ZNF704: variants seen among roughly 807,000 people sequenced by gnomAD.
ZNF704 encodes the protein glucocorticoid induced gene 1.
In ZNF704, 10 loss-of-function variants were observed where a neutral mutation model predicts 44.7. The ratio of observed to expected loss-of-function variants is 0.22; its 90% confidence interval spans 0.14 to 0.38. The LOEUF (loss-of-function observed/expected upper bound fraction) is 0.38. ZNF704 is among the 10% of genes least tolerant of loss of function. The pLI is 1.00. For synonymous variants in ZNF704, 211 were observed against 207.6 expected (o/e 1.02, Z -0.14); for missense variants, 390 against 545.5 (o/e 0.71, Z 2.84).
At chr8:80,865,797 C>G (rs1376631902) in intron 1 of ZNF704, among the ~76,000 whole-genome samples, 2 of 152,180 alleles carry the variant, frequency 1.3e-5, no homozygotes, top group Non-Finnish European at 2.9e-5. Flanking sequence ...CTCCTCAAGG[C>G]TCCATGGTGT....
At chr8:80,699,040 A>AATTAGTAAAAT (rs1485411674) in intron 2 of ZNF704, among the ~76,000 whole-genome samples, 11 of 152,202 alleles carry the variant, frequency 7.2e-5, no homozygotes, top group African/African-American at 2.7e-4. Context: ...AATGAATAAT[A>AATTAGTAAAAT]TATTCCTTAG....
chr8:80,815,215 G>T (rs886613013), intron 2 of ZNF704, among the ~76,000 whole-genome samples: 1 of 152,102 alleles, frequency 6.6e-6, no homozygotes, highest in Non-Finnish European at 1.5e-5. Context: ...GTACCATATG[G>T]TTTGTTTTCT....
chr8:80,840,258 T>C (rs1227618486), intron 1 of ZNF704, among the ~76,000 whole-genome samples: 1 of 152,232 alleles, frequency 6.6e-6, no homozygotes, highest in African/African-American at 2.4e-5. Flanking sequence ...AGGATGGCTT[T>C]GACTGTGGCC....
intron 2 of ZNF704, among the ~76,000 whole-genome samples, chr8:80,801,695 T>C (rs1807902281): frequency 6.6e-6 from 1 of 152,124 alleles, no homozygotes; most frequent in African/African-American, 2.4e-5. Context: ...TAGCACTAAA[T>C]GCCCACATCA....
chr8:80,726,772 G>T (rs554806388), intron 2 of ZNF704, among the ~76,000 whole-genome samples: 1 of 151,924 alleles, frequency 6.6e-6, no homozygotes, highest in East Asian at 1.9e-4. Context: ...TAATTTCCTT[G>T]AAAGTACATC....
At chr8:80,665,229 T>C (rs930782652) in intron 5 of ZNF704, 147 bp from the exon 6 acceptor site, 74 of 806,776 alleles carry the variant, frequency 9.2e-5, no homozygotes, top group Non-Finnish European at 1.4e-4. Context: ...AGCACTCAGT[T>C]CAACTGTCCA....
intron 4 of ZNF704, among the ~76,000 whole-genome samples, chr8:80,681,186 G>C (rs1275286933): frequency 6.6e-6 from 1 of 152,108 alleles, no homozygotes; most frequent in Non-Finnish European, 1.5e-5. Context: ...ACATTTGTCT[G>C]CAAGTTTTTT....
chr8:80,834,017 C>G (rs76049456), intron 1 of ZNF704, among the ~76,000 whole-genome samples: 1 of 152,024 alleles, frequency 6.6e-6, no homozygotes, highest in Non-Finnish European at 1.5e-5. Context: ...TGAGCAAAAG[C>G]CTTATGATTC....
chr8:80,814,160 G>A (rs557439639), intron 2 of ZNF704: 1 of 152,326 alleles, frequency 6.6e-6, no homozygotes, highest in South Asian at 2.1e-4. Flanking sequence ...TAAGAAGGGA[G>A]ACAGAATTGC....
chr8:80,715,692 C>A (rs1217022993), intron 2 of ZNF704, among the ~76,000 whole-genome samples: 1 of 152,184 alleles, frequency 6.6e-6, no homozygotes, highest in Non-Finnish European at 1.5e-5. Flanking sequence ...AGCTTCAACC[C>A]AGACTAATTA....
intron 2 of ZNF704, among the ~76,000 whole-genome samples, chr8:80,780,199 G>C (rs1213705350): frequency 6.6e-6 from 1 of 152,100 alleles, no homozygotes; most frequent in Non-Finnish European, 1.5e-5. Flanking sequence ...GTACATGGAG[G>C]GAAGAAGAAA....
chr8:80,639,437 C>G lies in ZNF704; in HGVS notation c.*1929G>C, dbSNP rs536803409. The G allele has an allele frequency of 1.3e-5, 2 of 152,352 alleles. No homozygotes were observed. The highest frequency in any genetic ancestry group is 2.4e-5 in the African/African-American group (1 of 41,572). The allele number at this position is 152,352 out of a possible 1,614,324, so 9.4% of individuals were successfully genotyped here. ...TCTGCGTTTAAAAAAATGCCATTTC[C>G]TGGCTGACCTTGTCAGTCTAAAACA... is the stretch of plus-strand genomic sequence containing the variant. On this transcript the variant is annotated 3_prime_UTR_variant, in exon 9 of 9. Transcript: ENST00000327835.
rs1563498080 is a variant in ZNF704, at chr8:80,636,179, T to G, written c.*5187A>C. On this transcript the variant is annotated 3_prime_UTR_variant, in exon 9 of 9. Transcript: ENST00000327835. ...TGTATTTCTTGTTTTATTTGGAAAA[T>G]TAAGTTATAATTGTTTTTGTATTTA... The G allele has an allele frequency of 6.6e-6, 1 of 152,184 alleles. No homozygotes were observed. Among genetic ancestry groups the G allele is most frequent in the Non-Finnish European group, 1.5e-5 (1 of 68,028 alleles). The allele number at this position is 152,184 out of a possible 1,614,324, so 9.4% of individuals were successfully genotyped here.
At chr8:80,654,867 T>C (rs1461609995) in intron 7 of ZNF704, among the ~76,000 whole-genome samples, 1 of 152,202 alleles carries the variant, frequency 6.6e-6, no homozygotes, top group Non-Finnish European at 1.5e-5. Flanking sequence ...GTATAAATCA[T>C]GCTGCTATAA....
At chr8:80,701,231 C>T (rs1202742401) in intron 2 of ZNF704, among the ~76,000 whole-genome samples, 2 of 152,076 alleles carry the variant, frequency 1.3e-5, no homozygotes, top group Admixed American at 6.5e-5. Context: ...GGCCCATCCT[C>T]GGCACGCATC....
intron 2 of ZNF704, among the ~76,000 whole-genome samples, chr8:80,794,313 G>C (rs1288079319): frequency 6.6e-6 from 1 of 151,988 alleles, no homozygotes; most frequent in Non-Finnish European, 1.5e-5. Flanking sequence ...CAATTTTGTT[G>C]GCTTTATAGA....
chr8:80,831,430 T>G (rs6987105), intron 1 of ZNF704, among the ~76,000 whole-genome samples: 32,264 of 152,158 alleles, frequency 0.21, 4,775 homozygotes, highest in African/African-American at 0.42. Flanking sequence ...CAAGGTCTAG[T>G]CTAAATTAGC....
chr8:80,825,198 C>T (rs1414486468), intron 1 of ZNF704, among the ~76,000 whole-genome samples: 2 of 151,658 alleles, frequency 1.3e-5, no homozygotes, highest in East Asian at 3.9e-4. Flanking sequence ...TGCAGAGACA[C>T]ACATAGGCTC....
chr8:80,795,209 T>C (rs1235686453), intron 2 of ZNF704, among the ~76,000 whole-genome samples: 2 of 152,236 alleles, frequency 1.3e-5, no homozygotes, highest in African/African-American at 4.8e-5. Flanking sequence ...TGCAAATGAA[T>C]GACCTTTGGG....
Sources: allele counts gnomAD v4.1 joint callset (sites outside exome capture counted in the v4.1 genomes callset), GRCh38; gene constraint gnomAD v4.1.1; transcripts MANE v1.5; gene names NCBI Gene and HGNC (gene_info 2026-07-23, HGNC 2026-07-21).